PRC1: variants seen among roughly 807,000 people sequenced by gnomAD.
The protein encoded by PRC1 is anaphase spindle elongation 1 homolog.
A neutral mutation model predicts 91.2 loss-of-function variants in PRC1; 54 were observed. That is an observed-to-expected ratio of 0.59 (90% confidence interval 0.48 to 0.74). The LOEUF is 0.74. PRC1 is among the 30% of genes least tolerant of loss of function. The pLI, the probability that PRC1 is intolerant of heterozygous loss-of-function variation, is 0.00. For missense variants in PRC1, 727 were observed against 746.2 expected, an observed-to-expected ratio of 0.97 and a Z score of 0.30; for synonymous variants, 275 against 263.6, an observed-to-expected ratio of 1.04 and a Z score of -0.42.
chr15:90,968,268 AC>A, intron 14 of PRC1: 3 of 985,482 alleles, frequency 3.0e-6, no homozygotes, highest in Non-Finnish European at 3.6e-6. Flanking sequence ...AGGTAGAAGC[AC>A]CACCAGCCAC....
In PRC1 at chr15:90,979,147, T is replaced by G; in HGVS notation, c.1107+11A>C. ...TCTTAACAGTTAAAAACACAAAAAC[T>G]AGGACAATACCTCAAACTCTAAGAA... On this transcript the variant is annotated intron_variant, in intron 8 of 14. Coordinates refer to ENST00000394249, the MANE Select transcript of PRC1 (RefSeq NM_003981.4). 1.2e-6 allele frequency: 2 copies of G among 1,610,660 alleles called. No individual in the cohort carries two copies. Among genetic ancestry groups the G allele is most frequent in the Non-Finnish European group, 1.7e-6 (2 of 1,178,868 alleles).
chr15:90,976,575 G>T, intron 9 of PRC1, 101 bp downstream of exon 9: 4 of 983,038 alleles, frequency 4.1e-6, no homozygotes, highest in Non-Finnish European at 6.2e-6. Context: ...CCTAAGCTTT[G>T]AAGAAAATAG....
intron 1 of PRC1, among the ~76,000 whole-genome samples, chr15:90,985,548 T>A (rs78534371): frequency 0.038 from 5,407 of 141,668 alleles, 312 homozygotes; most frequent in African/African-American, 0.14. Flanking sequence ...TTAATTAATT[T>A]ATTTATTTTT....
intron 5 of PRC1, 28 bp from the exon 6 acceptor site, chr15:90,981,061 A>C: frequency 6.2e-7 from 1 of 1,612,764 alleles, no homozygotes; most frequent in East Asian, 2.2e-5. Context: ...AGTGTCACTC[A>C]CGGCAAAGCA....
At chr15:90,985,359 T>C (rs1001202639) in intron 1 of PRC1, among the ~76,000 whole-genome samples, 2 of 151,524 alleles carry the variant, frequency 1.3e-5, no homozygotes, top group Non-Finnish European at 2.9e-5. Context: ...GCCTCCCGAG[T>C]AGGTGGGACT....
At chr15:90,970,362 G>C in intron 12 of PRC1, 42 bp downstream of exon 12, 1 of 1,430,822 alleles carries the variant, frequency 7.0e-7, no homozygotes, top group Non-Finnish European at 9.9e-7. Flanking sequence ...GAACAGGCTA[G>C]GGACGCATGT....
At chr15:90,983,020 A>T (rs1156806118) in intron 3 of PRC1, among the ~76,000 whole-genome samples, 1 of 152,218 alleles carries the variant, frequency 6.6e-6, no homozygotes, top group Admixed American at 6.5e-5. Context: ...AACTAGGAAC[A>T]TCAGGTAACT....
rs1038950761 is a variant in PRC1 at position 90,984,866 on chromosome 15, C to A, written c.12-41G>T. 1 of 1,611,096 alleles carries A rather than the reference C, an allele frequency of 6.2e-7. No individual in the cohort carries two copies. Among genetic ancestry groups the A allele is most frequent in the African/African-American group, 1.3e-5 (1 of 74,660 alleles). On this transcript the variant is annotated intron_variant, in intron 1 of 14. Transcript: ENST00000394249. The surrounding 1 kb of genome is among the most constrained non-coding windows in gnomAD (Gnocchi z 5.1). ...TAAGGCCTGTTAGTTACATCAGTCA[C>A]AGCCTCTGGACTAAAAGCACTATTT... is the stretch of plus-strand genomic sequence containing the variant.
chr15:90,970,477 C>T lies in PRC1; in HGVS notation c.1499G>A (p.Ser500Asn). The change falls in exon 12 of 15, where the codon AGT becomes AAT. Residue 500 changes from serine to asparagine, a missense_variant. By Grantham distance (46) the Ser-to-Asn change is conservative. Coordinates refer to ENST00000394249, the MANE Select transcript of PRC1 (RefSeq NM_003981.4). ...CCCTCCAAAGATAGGCCGAATGCTACTATTGGCCGTAGCATTGGACATGGT... is the reference window on the plus strand; with the variant it reads ...CCCTCCAAAGATAGGCCGAATGCTATTATTGGCCGTAGCATTGGACATGGT... Reference protein sequence around the residue: ...TTTMSNATANSSIRPIFGGTV... With the variant: ...TTTMSNATANNSIRPIFGGTV... 1.2e-6 allele frequency: 2 copies of T among 1,613,848 alleles called. No homozygotes were observed. The highest frequency in any genetic ancestry group is 1.7e-6 in the Non-Finnish European group (2 of 1,179,796).
At chr15:90,989,122 G>A (rs572213855) in intron 1 of PRC1, among the ~76,000 whole-genome samples, 2 of 151,864 alleles carry the variant, frequency 1.3e-5, no homozygotes, top group Non-Finnish European at 2.9e-5. Context: ...CCAACAGGAT[G>A]GTATAATAAA....
chr15:90,977,577 T>TG (rs35753549), intron 8 of PRC1, among the ~76,000 whole-genome samples: 1 of 56,838 alleles, frequency 1.8e-5, no homozygotes, highest in Non-Finnish European at 3.2e-5. Context: ...CTTATTTACG[T>TG]TTTTTTTTTT....
intron 1 of PRC1, among the ~76,000 whole-genome samples, chr15:90,991,654 C>T (rs117711476): frequency 1.3e-5 from 2 of 151,942 alleles, no homozygotes; most frequent in Non-Finnish European, 1.5e-5. Flanking sequence ...ATCCTTGACA[C>T]TTCTTTCTTA....
intron 8 of PRC1, among the ~76,000 whole-genome samples, chr15:90,977,723 A>G (rs918607260): frequency 1.3e-5 from 2 of 151,802 alleles, no homozygotes; most frequent in African/African-American, 4.8e-5. Context: ...AGCTGGGACT[A>G]CAAGTGCCCG....
chr15:90,970,504 G>A lies in PRC1; in HGVS notation c.1472C>T (p.Thr491Ile), dbSNP rs748246659. ...TPGKARKLNT[T>I]TMSNATANSS... is the part of the protein sequence containing the mutation. ...ATTGGCCGTAGCATTGGACATGGTG[G>A]TAGTGTTCAGCTAGGGAGAAGAGCA... is the stretch of plus-strand genomic sequence containing the variant. The change falls in exon 12 of 15, where the codon ACC becomes ATC. Residue 491 changes from threonine to isoleucine, a missense_variant. Coordinates refer to ENST00000394249, the MANE Select transcript of PRC1 (RefSeq NM_003981.4). The A allele has an allele frequency of 1.9e-6, 3 of 1,611,020 alleles. No homozygotes were observed. The highest frequency in any genetic ancestry group is 3.3e-5 in the Admixed American group (2 of 59,990).
At chr15:90,967,400 G>C (rs1490439102) in intron 14 of PRC1, 198 bp from the exon 15 acceptor site, 1 of 590,014 alleles carries the variant, frequency 1.7e-6, no homozygotes, top group East Asian at 2.8e-5. Context: ...GAGTGCATGT[G>C]CACGCATGCC....
At chr15:90,989,528 G>A (rs547449086) in intron 1 of PRC1, among the ~76,000 whole-genome samples, 1 of 149,962 alleles carries the variant, frequency 6.7e-6, no homozygotes, top group Non-Finnish European at 1.5e-5. Context: ...TAACAGACAT[G>A]AGCCACTGCA....
intron 12 of PRC1, 23 bp from the exon 13 acceptor site, chr15:90,969,646 C>A: frequency 6.4e-7 from 1 of 1,565,370 alleles, no homozygotes; most frequent in Non-Finnish European, 8.7e-7. Flanking sequence ...GAAAGAGATC[C>A]ATGTATCATC....
chr15:90,975,488 C>T (rs750789062), intron 9 of PRC1, among the ~76,000 whole-genome samples: 4 of 152,040 alleles, frequency 2.6e-5, no homozygotes, highest in African/African-American at 9.7e-5. Context: ...TAAATGAGAG[C>T]GTTTTGAAAT....
chr15:90,982,413 CTA>C (rs2151548720), intron 3 of PRC1, among the ~76,000 whole-genome samples: 1 of 152,284 alleles, frequency 6.6e-6, no homozygotes, highest in East Asian at 1.9e-4. Context: ...CCTTTTGTCT[CTA>C]TGATTAGACT....
Sources: allele counts gnomAD v4.1 joint callset (sites outside exome capture counted in the v4.1 genomes callset), GRCh38; gene constraint gnomAD v4.1.1; non-coding constraint Gnocchi (gnomAD v3.1); transcripts MANE v1.5; gene names NCBI Gene and HGNC (gene_info 2026-07-23, HGNC 2026-07-21).